The following IGHMBP2 variants were observed in gnomAD, a reference collection of about 807,000 sequenced individuals.
IGHMBP2 encodes the protein immunoglobulin mu DNA binding protein 2.
In IGHMBP2, 81 loss-of-function variants were observed where a neutral mutation model predicts 96.0. That is an observed-to-expected ratio of 0.84 (90% CI 0.71 to 1.01). IGHMBP2 has a LOEUF of 1.01. Ranked by LOEUF, IGHMBP2 falls within the 50% of genes least tolerant of loss-of-function variation. The pLI is 0.00. For synonymous variants in IGHMBP2, 557 were observed against 548.9 expected (o/e 1.01, Z -0.21); for missense variants, 1,227 against 1,306.3 (o/e 0.94, Z 0.94).
chr11:68,911,665 G>C, intron 5 of IGHMBP2, 62 bp downstream of exon 5: 1 of 1,517,072 alleles, frequency 6.6e-7, no homozygotes, highest in Non-Finnish European at 9.1e-7. Context: ...TGTGTTCAGT[G>C]GGTGCTCAGC....
chr11:68,933,088 C>G (rs921299973), intron 8 of IGHMBP2: 1 of 605,804 alleles, frequency 1.7e-6, no homozygotes. Context: ...CCCTGTTGTC[C>G]TGTAAGGGAA....
intron 2 of IGHMBP2, among the ~76,000 whole-genome samples, chr11:68,907,291 G>A (rs1858240830): frequency 6.6e-6 from 1 of 152,160 alleles, no homozygotes; most frequent in Admixed American, 6.5e-5. Flanking sequence ...AAAACTACAT[G>A]TGACTCTCTT....
intron 10 of IGHMBP2, 85 bp from the exon 11 acceptor site, chr11:68,934,379 A>T (rs1859439440): frequency 3.2e-6 from 3 of 941,648 alleles, no homozygotes; most frequent in Admixed American, 2.0e-5. Context: ...CATGATAGAC[A>T]GAAACGTGCC....
At chr11:68,906,529 G>A in intron 2 of IGHMBP2, 1 of 406,222 alleles carries the variant, frequency 2.5e-6, no homozygotes, top group Non-Finnish European at 4.5e-6. Flanking sequence ...AAAAACAATT[G>A]GGAATATCTT....
Position 68,917,781 on chromosome 11 carries a change from C to T in IGHMBP2, c.958C>T (p.Arg320Ter), listed in dbSNP as rs773690764. The change falls in exon 7 of 15, where the codon CGA (arginine) becomes TGA (stop). Residue 320 changes from arginine to a stop codon, truncating the protein, a stop_gained. Transcript: ENST00000255078. LOFTEE classifies it high-confidence loss of function. Reference protein sequence around the residue: ...TQDKREKSNFRNEIKLLRKEL... With the variant: ...TQDKREKSNF Reference sequence around the variant, plus strand: ...GGATAAGAGAGAGAAAAGTAATTTTCGAAATGAAATTAAGCTGTTAAGAAA... The same window carrying T: ...GGATAAGAGAGAGAAAAGTAATTTTTGAAATGAAATTAAGCTGTTAAGAAA... The T allele has an allele frequency of 1.2e-5, 19 of 1,612,942 alleles. No individual in the cohort carries two copies. Among genetic ancestry groups the T allele is most frequent in the South Asian group, 4.4e-5 (4 of 91,062 alleles).
Position 68,939,597 on chromosome 11 carries a change from C to T in IGHMBP2, c.2848C>T (p.Leu950Phe). 6.2e-7 allele frequency: 1 copy of T among 1,613,380 alleles called. No individual in the cohort carries two copies. Among genetic ancestry groups the T allele is most frequent in the Non-Finnish European group, 8.5e-7 (1 of 1,180,024 alleles). Residue 950 changes from leucine (L) to phenylalanine (F), a missense_variant, in exon 15 of 15, where the codon CTC becomes TTC. Transcript: ENST00000255078. Reference sequence around the variant, plus strand: ...GCAGAGAATCAGCCGGGAAGGGGTCCTCTATGCCGGCAGCGGGACCAAGAA... The same window carrying T: ...GCAGAGAATCAGCCGGGAAGGGGTCTTCTATGCCGGCAGCGGGACCAAGAA... The part of the protein sequence containing the change: ...ARQRISREGV[L>F]YAGSGTKNGS...
intron 7 of IGHMBP2, among the ~76,000 whole-genome samples, chr11:68,924,865 T>C (rs1859004695): frequency 6.6e-6 from 1 of 152,188 alleles, no homozygotes; most frequent in Admixed American, 6.5e-5. Context: ...TTTGTCTAAC[T>C]AAAGGCCTGC....
At chr11:68,909,260 A>G (rs1160514718) in intron 4 of IGHMBP2, among the ~76,000 whole-genome samples, 2 of 149,360 alleles carry the variant, frequency 1.3e-5, no homozygotes, top group African/African-American at 5.0e-5. Flanking sequence ...GCTCACTGCA[A>G]CCTCCGCCTC....
rs779753312 is a variant in IGHMBP2 at position 68,939,623 on chromosome 11, C to T, written c.2874C>T (p.Asn958=). The T allele has an allele frequency of 4.0e-5, 65 of 1,613,430 alleles. No homozygotes were observed. Among genetic ancestry groups the T allele is most frequent in the Non-Finnish European group, 4.7e-5 (55 of 1,180,010 alleles). The change falls in exon 15 of 15, where the codon AAC becomes AAT. Residue 958 remains asparagine (N), a synonymous_variant. Transcript: ENST00000255078. The part of the protein sequence containing the change: ...GVLYAGSGTK[N]GSLDPAKRAQ... ...TCTATGCCGGCAGCGGGACCAAGAA[C>T]GGATCCCTGGACCCAGCCAAGAGGG...
At chr11:68,909,280 A>G (rs187177584) in intron 4 of IGHMBP2, among the ~76,000 whole-genome samples, 6,610 of 151,140 alleles carry the variant, frequency 0.044, 491 homozygotes, top group African/African-American at 0.15. Flanking sequence ...CCCGGGCTCA[A>G]GTGATTCTCA....
chr11:68,908,282 A>G lies in IGHMBP2; in HGVS notation c.394A>G (p.Asn132Asp). The G allele has an allele frequency of 6.2e-7, 1 of 1,614,140 alleles. No homozygotes were observed. The highest frequency in any genetic ancestry group is 8.5e-7 in the Non-Finnish European group (1 of 1,180,030). The change falls in exon 3 of 15, where the codon AAT becomes GAT. Residue 132 changes from asparagine (N) to aspartate (D), a missense_variant. Coordinates refer to ENST00000255078, the MANE Select transcript of IGHMBP2 (RefSeq NM_002180.3). ...TTTCCAGTTGAGCTTGGACCGAGAGAATTCCTACAGACTGTTAAAACTTGC... is the reference window on the plus strand; with the variant it reads ...TTTCCAGTTGAGCTTGGACCGAGAGGATTCCTACAGACTGTTAAAACTTGC... ...HDFQLSLDRE[N>D]SYRLLKLAND...
chr11:68,904,950 C>T (rs1013878463), intron 1 of IGHMBP2, among the ~76,000 whole-genome samples: 5 of 152,018 alleles, frequency 3.3e-5, no homozygotes, highest in African/African-American at 1.2e-4. Flanking sequence ...AGGCGCGCCA[C>T]CACGTCCTGC....
At position 68,911,427 on chromosome 11, in the gene IGHMBP2, G is replaced by A; in HGVS notation, c.548-13G>A. ...CAGAGCACCTGAGCCTCACGCTGCT[G>A]CTTCTTCCACAGACCCGCTGACATT... On this transcript the variant is annotated splice_polypyrimidine_tract_variant and intron_variant, in intron 4 of 14. Coordinates refer to ENST00000255078, the MANE Select transcript of IGHMBP2 (RefSeq NM_002180.3). The A allele has an allele frequency of 1.2e-6, 2 of 1,613,138 alleles. No individual in the cohort carries two copies. Among genetic ancestry groups the A allele is most frequent in the Non-Finnish European group, 1.7e-6 (2 of 1,179,814 alleles).
chr11:68,934,574 T>G lies in IGHMBP2; in HGVS notation c.1632+16T>G. The G allele has an allele frequency of 5.1e-6, 8 of 1,577,868 alleles. No individual in the cohort carries two copies. Among genetic ancestry groups the G allele is most frequent in the South Asian group, 1.1e-5 (1 of 88,406 alleles). On this transcript the variant is annotated intron_variant, in intron 11 of 14. Coordinates refer to ENST00000255078, the MANE Select transcript of IGHMBP2 (RefSeq NM_002180.3). ...CAACCTCCAGGTACGAGGGTTTCCTTTTGTCCCTCTACAGAGCAGCTGGGG... is the reference window on the plus strand; with the variant it reads ...CAACCTCCAGGTACGAGGGTTTCCTGTTGTCCCTCTACAGAGCAGCTGGGG...
chr11:68,921,561 C>A (rs1418420076), intron 7 of IGHMBP2, among the ~76,000 whole-genome samples: 1 of 152,236 alleles, frequency 6.6e-6, no homozygotes, highest in Non-Finnish European at 1.5e-5. Context: ...TTTCTCTCCT[C>A]TTAGCATTTA....
intron 7 of IGHMBP2, among the ~76,000 whole-genome samples, chr11:68,926,036 T>G (rs1032193054): frequency 1.3e-5 from 2 of 152,258 alleles, no homozygotes; most frequent in East Asian, 3.9e-4. Flanking sequence ...CTGCCCTTAT[T>G]CTACTCTCGT....
chr11:68,914,323 G>A (rs911030230), intron 5 of IGHMBP2, among the ~76,000 whole-genome samples: 1 of 151,962 alleles, frequency 6.6e-6, no homozygotes, highest in African/African-American at 2.4e-5. Flanking sequence ...GAAAAATATA[G>A]TGGAGCTACA....
chr11:68,906,292 G>C, intron 2 of IGHMBP2, 54 bp downstream of exon 2: 2 of 1,567,026 alleles, frequency 1.3e-6, no homozygotes, highest in Non-Finnish European at 1.8e-6. Context: ...TTCAGACCGT[G>C]ACTTGTACCC....
At chr11:68,927,304 T>C (rs183657676) in intron 7 of IGHMBP2, among the ~76,000 whole-genome samples, 7 of 152,360 alleles carry the variant, frequency 4.6e-5, no homozygotes, top group Admixed American at 4.6e-4. Flanking sequence ...GCCACTAAAG[T>C]CTAATACAAC....
Sources: allele counts gnomAD v4.1 joint callset (sites outside exome capture counted in the v4.1 genomes callset), GRCh38; gene constraint gnomAD v4.1.1; transcripts MANE v1.5; gene names NCBI Gene and HGNC (gene_info 2026-07-23, HGNC 2026-07-21).